The following SLC27A6 variants were observed in gnomAD, a reference collection of about 807,000 sequenced individuals.
The protein encoded by SLC27A6 is long-chain fatty acid transport protein 6.
In SLC27A6, 74 loss-of-function variants were observed where a neutral mutation model predicts 63.9. The ratio of observed to expected loss-of-function variants is 1.16; its 90% CI spans 0.96 to 1.40. SLC27A6 has a LOEUF of 1.40. Among genes scored for constraint, SLC27A6 ranks in the 40% most tolerant of loss-of-function variants. The probability of loss-of-function intolerance (pLI) is 0.00; values close to 1 mark genes in which losing one functional copy is unlikely to be tolerated. For synonymous variants in SLC27A6, 287 were observed against 260.8 expected (o/e 1.10, Z -0.97); for missense variants, 794 against 732.9 (o/e 1.08, Z -0.96).
At chr5:128,974,910 A>G (rs1750324514) in intron 1 of SLC27A6, among the ~76,000 whole-genome samples, 1 of 152,234 alleles carries the variant, frequency 6.6e-6, no homozygotes, top group Admixed American at 6.5e-5. Context: ...ATCTTATTGT[A>G]TTTAAATGAT....
chr5:129,032,072 A>G (rs1752433885), intron 9 of SLC27A6, among the ~76,000 whole-genome samples: 1 of 152,000 alleles, frequency 6.6e-6, no homozygotes, highest in East Asian at 1.9e-4. Flanking sequence ...ATTCCCACAA[A>G]GGGATACACT....
intron 4 of SLC27A6, among the ~76,000 whole-genome samples, chr5:129,003,647 G>A (rs1223126577): frequency 6.6e-6 from 1 of 151,928 alleles, no homozygotes; most frequent in Non-Finnish European, 1.5e-5. Context: ...GACCAGCCTG[G>A]GCAATATAGT....
chr5:128,979,143 A>G (rs1437927193), intron 1 of SLC27A6, among the ~76,000 whole-genome samples: 1 of 151,692 alleles, frequency 6.6e-6, no homozygotes, highest in East Asian at 1.9e-4. Context: ...GCATAATGGC[A>G]GAGACAGCCA....
chr5:128,968,096 CT>C (rs1188911812), intron 1 of SLC27A6, among the ~76,000 whole-genome samples: 2 of 152,072 alleles, frequency 1.3e-5, no homozygotes, highest in Non-Finnish European at 2.9e-5. Flanking sequence ...TGAACTCATC[CT>C]TTTTTATGGC....
At chr5:129,003,908 C>CA (rs1310414535) in intron 4 of SLC27A6, among the ~76,000 whole-genome samples, 1 of 143,388 alleles carries the variant, frequency 7.0e-6, no homozygotes, top group Non-Finnish European at 1.5e-5. Flanking sequence ...GTTGAGGCTG[C>CA]AGTGAGCTGA....
intron 4 of SLC27A6, among the ~76,000 whole-genome samples, chr5:128,993,768 G>A (rs1181988): frequency 0.87 from 131,920 of 151,790 alleles, 58,415 homozygotes; most frequent in Non-Finnish European, 0.95. Flanking sequence ...GAGAATTTGA[G>A]AGAACTGAGA....
intron 1 of SLC27A6, among the ~76,000 whole-genome samples, chr5:128,974,890 T>C (rs900968478): frequency 1.3e-5 from 2 of 152,262 alleles, no homozygotes; most frequent in African/African-American, 2.4e-5. Context: ...GCCTGGTATG[T>C]ACTAAGTAGA....
chr5:129,025,516 C>A (rs537131426), intron 6 of SLC27A6, among the ~76,000 whole-genome samples: 1 of 151,886 alleles, frequency 6.6e-6, no homozygotes, highest in Non-Finnish European at 1.5e-5. Context: ...CCTTTTTTTA[C>A]GCCTCAGTTT....
intron 4 of SLC27A6, among the ~76,000 whole-genome samples, chr5:129,011,246 C>G (rs1408049060): frequency 6.6e-6 from 1 of 152,132 alleles, no homozygotes; most frequent in Non-Finnish European, 1.5e-5. Context: ...CAGTAATAGG[C>G]ACTCCTGCCC....
At chr5:129,005,219 C>T (rs1292572045) in intron 4 of SLC27A6, among the ~76,000 whole-genome samples, 1 of 152,156 alleles carries the variant, frequency 6.6e-6, no homozygotes, top group East Asian at 1.9e-4. Context: ...GGAAGCCATG[C>T]TTTTGAATGC....
chr5:128,981,373 T>C (rs942335852), intron 1 of SLC27A6, among the ~76,000 whole-genome samples: 11 of 151,478 alleles, frequency 7.3e-5, no homozygotes, highest in African/African-American at 2.7e-4. Flanking sequence ...CCCAGCTACT[T>C]GGGAGGCTGA....
intron 5 of SLC27A6, among the ~76,000 whole-genome samples, chr5:129,019,638 T>C (rs1472652901): frequency 3.3e-5 from 5 of 150,762 alleles, no homozygotes; most frequent in African/African-American, 1.2e-4. Flanking sequence ...ATAAACAAAA[T>C]GAACTAAAAA....
intron 1 of SLC27A6, among the ~76,000 whole-genome samples, chr5:128,972,031 T>G (rs1379127798): frequency 6.6e-6 from 1 of 152,174 alleles, no homozygotes; most frequent in African/African-American, 2.4e-5. Flanking sequence ...AAGCTTAGTT[T>G]GGCTGGATAT....
Position 128,983,289 on chromosome 5 carries a change from G to GTTTTTTTTT in SLC27A6, c.482-1832_482-1824dup, listed in dbSNP as rs1195794733. 3.6e-5 allele frequency among the ~76,000 whole-genome samples: 4 copies of GTTTTTTTTT among 111,114 alleles called. 1 individual carries two copies. The highest frequency in any genetic ancestry group is 3.4e-5 in the African/African-American group (1 of 29,234). 72.9% of individuals were successfully genotyped at this position (111,114 alleles called of 152,430 possible). A position where few individuals can be genotyped will look rare whatever the true frequency, so the allele number is the denominator to read the frequency against. On this transcript the variant is annotated intron_variant, in intron 1 of 9. Transcript: ENST00000262462. ...ACAGAACTTGAGCATTCTGATCCGG[G>GTTTTTTTTT]TTTTTTTTTTTTTTTTTTTTGAGAC...
chr5:128,993,777 G>T (rs994276525), intron 4 of SLC27A6, among the ~76,000 whole-genome samples: 1 of 152,042 alleles, frequency 6.6e-6, no homozygotes, highest in Non-Finnish European at 1.5e-5. Context: ...AGAGAACTGA[G>T]AATTGAAAAC....
At chr5:129,022,008 G>T (rs1752089924) in intron 5 of SLC27A6, among the ~76,000 whole-genome samples, 1 of 152,158 alleles carries the variant, frequency 6.6e-6, no homozygotes. Context: ...GGAGAGAAAA[G>T]AATAAGTAAT....
At chr5:128,994,297 C>T (rs1751081551) in intron 4 of SLC27A6, among the ~76,000 whole-genome samples, 1 of 152,110 alleles carries the variant, frequency 6.6e-6, no homozygotes, top group Non-Finnish European at 1.5e-5. Context: ...GAAATAAATA[C>T]AGCTTTACCC....
At chr5:128,998,166 T>G (rs61690947) in intron 4 of SLC27A6, among the ~76,000 whole-genome samples, 34,259 of 149,700 alleles carry the variant, frequency 0.23, 5,015 homozygotes, top group East Asian at 0.7. Context: ...ATGTATGCCA[T>G]TAGTAGTCCA....
intron 4 of SLC27A6, among the ~76,000 whole-genome samples, chr5:129,007,138 G>T (rs1468997289): frequency 6.6e-6 from 1 of 152,006 alleles, no homozygotes; most frequent in Non-Finnish European, 1.5e-5. Context: ...AGCAGAGAAT[G>T]ATCCATTTAA....
Sources: gnomAD v4.1 joint callset for allele counts (sites outside exome capture counted in the v4.1 genomes callset) on GRCh38, gnomAD v4.1.1 for gene constraint, MANE v1.5 for transcripts, NCBI Gene and HGNC (gene_info 2026-07-23, HGNC 2026-07-21) for gene names.